Variants in PRUNE1 observed in about 807,000 individuals in gnomAD.
PRUNE1 encodes the protein prune exopolyphosphatase 1, also known as exopolyphosphatase PRUNE1.
A neutral mutation model predicts 42.5 loss-of-function variants in PRUNE1; 25 were observed. The ratio of observed to expected loss-of-function variants is 0.59; its 90% CI spans 0.43 to 0.82. The LOEUF (loss-of-function observed/expected upper bound fraction) is 0.82, where lower values mean the gene tolerates loss of function less well. Among genes scored for constraint, PRUNE1 ranks in the 40% least tolerant of loss-of-function variants. The probability of loss-of-function intolerance (pLI) is 0.00; values close to 1 mark genes in which losing one functional copy is unlikely to be tolerated. For synonymous variants in PRUNE1, 203 were observed against 217.1 expected (o/e 0.93, Z 0.57); for missense variants, 443 against 539.3 (o/e 0.82, Z 1.77).
intron 3 of PRUNE1, among the ~76,000 whole-genome samples, chr1:151,019,629 C>CT (rs888006987): frequency 2.0e-5 from 3 of 149,076 alleles, no homozygotes; most frequent in Non-Finnish European, 4.5e-5. Flanking sequence ...TTGCAATTCT[C>CT]TTTTTATTTT....
chr1:151,017,092 CAAA>C (rs34772866), intron 1 of PRUNE1, among the ~76,000 whole-genome samples: 2 of 76,114 alleles, frequency 2.6e-5, no homozygotes, highest in African/African-American at 5.7e-5. Context: ...AACTCCATCT[CAAA>C]AAAAAAAAAA....
intron 7 of PRUNE1, among the ~76,000 whole-genome samples, chr1:151,032,244 C>CAAAAAAAAAAAAATTAAAGT (rs1675284151): frequency 6.9e-6 from 1 of 144,682 alleles, no homozygotes; most frequent in African/African-American, 2.5e-5. Context: ...GAATCCATTT[C>CAAAAAAAAAAAAATTAAAGT]AAAAAAAAAA....
At chr1:151,032,739 A>G (rs1419614173) in intron 7 of PRUNE1, among the ~76,000 whole-genome samples, 1 of 151,286 alleles carries the variant, frequency 6.6e-6, no homozygotes, top group Non-Finnish European at 1.5e-5. Context: ...TACTGTGTAT[A>G]TTAGTGTTCC....
rs745466022 is a variant in PRUNE1, at chr1:151,024,618, A to G, written c.343A>G (p.Thr115Ala). ...VDHHILSKSD[T>A]ALEEAVAEVL... ...ATACCCTCCCCTCCACAGAAGTGAC[A>G]CAGCCCTAGAGGAGGCAGTAGCAGA... The change falls in exon 4 of 8, where the codon ACA (threonine) becomes GCA (alanine). Residue 115 changes from threonine to alanine, a missense_variant. Thr to Ala is a moderately conservative substitution (Grantham distance 58). Coordinates refer to ENST00000271620, the MANE Select transcript of PRUNE1 (RefSeq NM_021222.3). 26 of 1,607,412 alleles carry G rather than the reference A, an allele frequency of 1.6e-5. No homozygotes were observed. The highest frequency in any genetic ancestry group is 2.2e-5 in the Non-Finnish European group (26 of 1,173,936).
intron 3 of PRUNE1, among the ~76,000 whole-genome samples, chr1:151,021,610 T>G (rs2102917692): frequency 6.6e-6 from 1 of 152,282 alleles, no homozygotes; most frequent in South Asian, 2.1e-4. Flanking sequence ...TGGCTCCTGC[T>G]AATATTTTTT....
chr1:151,023,417 G>C (rs1006986091), intron 3 of PRUNE1, among the ~76,000 whole-genome samples: 9 of 151,792 alleles, frequency 5.9e-5, no homozygotes, highest in Non-Finnish European at 8.8e-5. Flanking sequence ...TATTGAGTGG[G>C]TTATAAAAAT....
At chr1:151,020,816 C>T (rs748184348) in intron 3 of PRUNE1, among the ~76,000 whole-genome samples, 4 of 151,570 alleles carry the variant, frequency 2.6e-5, no homozygotes, top group African/African-American at 4.9e-5. Context: ...CCCGTCTCTA[C>T]TAAAAAATAC....
chr1:151,031,702 T>C (rs1423136314), intron 7 of PRUNE1, among the ~76,000 whole-genome samples: 1 of 152,214 alleles, frequency 6.6e-6, no homozygotes, highest in Non-Finnish European at 1.5e-5. Context: ...ACCAGTCTTA[T>C]TTTGTTCAAT....
intron 3 of PRUNE1, among the ~76,000 whole-genome samples, chr1:151,021,390 G>A (rs12117525): frequency 0.41 from 62,395 of 151,994 alleles, 14,432 homozygotes; most frequent in Middle Eastern, 0.61. Flanking sequence ...GGGAGCCAGA[G>A]GTTGCGGTGA....
intron 6 of PRUNE1, 26 bp downstream of exon 6, chr1:151,027,353 G>A (rs1006423213): frequency 6.5e-7 from 1 of 1,538,744 alleles, no homozygotes; most frequent in Admixed American, 1.7e-5. Flanking sequence ...GGCTGTGGGT[G>A]GGGAGAGAAA....
chr1:151,019,622 C>T (rs114875254), intron 3 of PRUNE1, among the ~76,000 whole-genome samples: 2,175 of 149,408 alleles, frequency 0.015, 54 homozygotes, highest in African/African-American at 0.048. Context: ...AAAATGTTTG[C>T]AATTCTCTTT....
Position 151,034,955 on chromosome 1 carries a change from A to G in PRUNE1, c.*721A>G, listed in dbSNP as rs1438320219. 1 of 152,326 alleles carries G rather than the reference A, an allele frequency of 6.6e-6. No individual in the cohort carries two copies. Among genetic ancestry groups the G allele is most frequent in the Non-Finnish European group, 1.5e-5 (1 of 68,136 alleles). The allele number at this position is 152,326 out of a possible 1,614,324, so 9.4% of individuals were successfully genotyped here. A position where few individuals can be genotyped will look rare whatever the true frequency, so the allele number is the denominator to read the frequency against. On this transcript the variant is annotated 3_prime_UTR_variant, in exon 8 of 8. Coordinates refer to ENST00000271620, the MANE Select transcript of PRUNE1 (RefSeq NM_021222.3). ...AACCCTGACTCTTGAGAATCAAGAA[A>G]ACACCCAGAAAGGCCTTAATGACCT...
intron 1 of PRUNE1, among the ~76,000 whole-genome samples, chr1:151,013,708 C>G (rs1195985388): frequency 1.3e-5 from 2 of 152,186 alleles, no homozygotes; most frequent in Non-Finnish European, 1.5e-5. Flanking sequence ...ATAGTTTCCT[C>G]TCTAGAGAAC....
At chr1:151,012,610 G>T (rs990220857) in intron 1 of PRUNE1, among the ~76,000 whole-genome samples, 1 of 152,154 alleles carries the variant, frequency 6.6e-6, no homozygotes, top group African/African-American at 2.4e-5. Flanking sequence ...GTTCAGGAAG[G>T]CTTCACAGAG....
At chr1:151,019,980 C>T (rs149380038) in intron 3 of PRUNE1, among the ~76,000 whole-genome samples, 3,005 of 150,746 alleles carry the variant, frequency 0.02, 69 homozygotes, top group South Asian at 0.078. Flanking sequence ...TACAGGTGCG[C>T]GCCACCATGC....
At chr1:151,025,769 C>G in intron 5 of PRUNE1, 96 bp downstream of exon 5, 2 of 1,256,672 alleles carry the variant, frequency 1.6e-6, no homozygotes, top group Non-Finnish European at 2.2e-6. Flanking sequence ...GAGACAGAGT[C>G]TTGCTCTGCC....
intron 1 of PRUNE1, among the ~76,000 whole-genome samples, chr1:151,010,113 T>C (rs1223826009): frequency 6.6e-6 from 1 of 152,194 alleles, no homozygotes; most frequent in Non-Finnish European, 1.5e-5. Context: ...TATTTGTTTA[T>C]TTATTTTCAG....
intron 1 of PRUNE1, among the ~76,000 whole-genome samples, chr1:151,017,424 T>C (rs972457967): frequency 6.6e-6 from 1 of 152,028 alleles, no homozygotes; most frequent in Non-Finnish European, 1.5e-5. Context: ...TGAAGATCAA[T>C]GAGAGGAAGT....
rs149246477 is a variant in PRUNE1 at position 151,025,000 on chromosome 1, GC to G, written c.520+206del. On this transcript the variant is annotated intron_variant, in intron 4 of 7. Coordinates refer to ENST00000271620, the MANE Select transcript of PRUNE1 (RefSeq NM_021222.3). Reference sequence around the variant, plus strand: ...TTGTTGGAGAAAGTAGAAAGGAAGTGCAGGGCAACAGACCAAGAAGCTTCCT... The same window carrying G: ...TTGTTGGAGAAAGTAGAAAGGAAGTGAGGGCAACAGACCAAGAAGCTTCCT... 2.3e-3 allele frequency among the ~76,000 whole-genome samples: 356 copies of G among 152,310 alleles called. 13 individuals carry two copies. The East Asian group carries it at 0.053, about 23-fold the overall frequency.
Sources: gnomAD v4.1 joint callset for allele counts (sites outside exome capture counted in the v4.1 genomes callset) on GRCh38, gnomAD v4.1.1 for gene constraint, MANE v1.5 for transcripts, NCBI Gene and HGNC (gene_info 2026-07-23, HGNC 2026-07-21) for gene names.